AFF3: variants seen among roughly 807,000 people sequenced by gnomAD.
AFF3 encodes the protein ALF transcription elongation factor 3, also known as AF4/FMR2 family member 3.
AFF3 carries 32 observed loss-of-function variants against 129.7 expected under a neutral mutation model. The ratio of observed to expected loss-of-function variants is 0.25; its 90% confidence interval spans 0.19 to 0.33. The LOEUF (loss-of-function observed/expected upper bound fraction) is 0.33. Among genes scored for constraint, AFF3 ranks in the 10% least tolerant of loss-of-function variants. The pLI is 1.00. For missense variants in AFF3, 1,373 were observed against 1,592.0 expected (o/e 0.86, Z 2.34); for synonymous variants, 644 against 635.4 (o/e 1.01, Z -0.20).
At chr2:99,967,372 C>T (rs2104391188) in intron 7 of AFF3, among the ~76,000 whole-genome samples, 1 of 152,170 alleles carries the variant, frequency 6.6e-6, no homozygotes, top group East Asian at 1.9e-4. Context: ...CAGTTCTAGG[C>T]TTCCAATGCC....
At chr2:99,986,201 AAATAATAATAATAATAAT>A (rs35535526) in intron 7 of AFF3, among the ~76,000 whole-genome samples, 4,287 of 137,084 alleles carry the variant, frequency 0.031, 189 homozygotes, top group East Asian at 0.14. Context: ...ACTTCATCTC[AAATAATAATAATAATAAT>A]AATAATAATA....
intron 7 of AFF3, among the ~76,000 whole-genome samples, chr2:99,936,611 A>G (rs1674550173): frequency 6.6e-6 from 1 of 152,206 alleles, no homozygotes; most frequent in Non-Finnish European, 1.5e-5. Context: ...ACCCAAAACT[A>G]AAGGGACAAA....
At chr2:99,914,514 A>G (rs1695322252) in intron 7 of AFF3, among the ~76,000 whole-genome samples, 1 of 152,216 alleles carries the variant, frequency 6.6e-6, no homozygotes, top group Admixed American at 6.5e-5. Context: ...AGGTCTGTAG[A>G]TTATAGCATT....
chr2:100,090,926 G>T (rs534657794), intron 4 of AFF3, among the ~76,000 whole-genome samples: 299 of 152,274 alleles, frequency 2.0e-3, no homozygotes, highest in African/African-American at 6.9e-3. Context: ...CTGACCTCAG[G>T]TGATCTACCC....
intron 10 of AFF3, among the ~76,000 whole-genome samples, chr2:99,728,539 C>T (rs376522365): frequency 9.2e-5 from 14 of 152,270 alleles, no homozygotes; most frequent in African/African-American, 3.4e-4. Context: ...AACTCAAAAG[C>T]AAACTTTATA....
chr2:99,951,439 C>A (rs1397998374), intron 7 of AFF3, among the ~76,000 whole-genome samples: 1 of 152,058 alleles, frequency 6.6e-6, no homozygotes, highest in East Asian at 1.9e-4. Context: ...TCATGAAATC[C>A]CGTATTTTTG....
intron 8 of AFF3, among the ~76,000 whole-genome samples, chr2:99,835,749 C>T (rs1444129928): frequency 6.6e-6 from 1 of 152,138 alleles, no homozygotes; most frequent in African/African-American, 2.4e-5. Context: ...ACCACCTCCA[C>T]TGCCCTCTCG....
intron 20 of AFF3, among the ~76,000 whole-genome samples, chr2:99,561,218 C>T (rs1478021995): frequency 6.6e-6 from 1 of 152,222 alleles, no homozygotes; most frequent in East Asian, 1.9e-4. Flanking sequence ...ACTAATACTG[C>T]CAATCACATA....
intron 7 of AFF3, among the ~76,000 whole-genome samples, chr2:99,842,964 T>G: frequency 6.6e-6 from 1 of 152,232 alleles, no homozygotes; most frequent in Non-Finnish European, 1.5e-5. Flanking sequence ...AAAATACTAC[T>G]ACTTTCAAAT....
At chr2:100,139,973 G>A (rs1692794732) in intron 1 of AFF3, among the ~76,000 whole-genome samples, 1 of 152,124 alleles carries the variant, frequency 6.6e-6, no homozygotes, top group Non-Finnish European at 1.5e-5. Context: ...GGTGCAAATG[G>A]GTCATTTGAA....
At chr2:100,003,380 G>C (rs907075344) in intron 7 of AFF3, among the ~76,000 whole-genome samples, 9 of 152,152 alleles carry the variant, frequency 5.9e-5, no homozygotes, top group Admixed American at 2.6e-4. Context: ...CTGTGCCCTA[G>C]AACATTCTAG....
chr2:99,564,436 A>G (rs1056025233), intron 20 of AFF3, among the ~76,000 whole-genome samples: 1 of 152,192 alleles, frequency 6.6e-6, no homozygotes, highest in South Asian at 2.1e-4. Flanking sequence ...GTAATGTGCC[A>G]TATAAAAAGA....
chr2:100,126,725 A>C lies in AFF3; in HGVS notation c.-145+2499T>G, dbSNP rs148992112. Reference sequence around the variant, plus strand: ...CAAAATTATTACATAAGAAATGTAGAAATATAAGTGTGTGATATTTTTTAA... The same window carrying C: ...CAAAATTATTACATAAGAAATGTAGCAATATAAGTGTGTGATATTTTTTAA... On this transcript the variant is annotated intron_variant, in intron 2 of 24. Coordinates refer to ENST00000672756, the MANE Select transcript of AFF3 (RefSeq NM_001386135.1). Among the ~76,000 whole-genome samples the C allele has an allele frequency of 1.2e-4, 18 of 152,336 alleles. No homozygotes were observed. The East Asian group carries it at 3.3e-3, about 28-fold the overall frequency.
chr2:99,876,126 C>A (rs935319713), intron 7 of AFF3, among the ~76,000 whole-genome samples: 8 of 152,146 alleles, frequency 5.3e-5, no homozygotes, highest in African/African-American at 1.9e-4. Context: ...CCTGGGCCTC[C>A]TCCACTTCTC....
At chr2:99,974,602 C>T (rs1432071096) in intron 7 of AFF3, among the ~76,000 whole-genome samples, 1 of 152,192 alleles carries the variant, frequency 6.6e-6, no homozygotes, top group Non-Finnish European at 1.5e-5. Context: ...CCTGTCTCTA[C>T]CCAATCTGAC....
chr2:99,823,812 G>A (rs1173924177), intron 8 of AFF3, among the ~76,000 whole-genome samples: 2 of 152,284 alleles, frequency 1.3e-5, no homozygotes, highest in Non-Finnish European at 1.5e-5. Flanking sequence ...CAACGTGGAT[G>A]GAGCTGGAGG....
At chr2:99,646,759 A>C (rs1684730848) in intron 13 of AFF3, among the ~76,000 whole-genome samples, 1 of 152,236 alleles carries the variant, frequency 6.6e-6, no homozygotes, top group Non-Finnish European at 1.5e-5. Flanking sequence ...CAAAAGAATA[A>C]GTAATGTGAG....
At chr2:99,738,861 T>C (rs1680471039) in intron 10 of AFF3, among the ~76,000 whole-genome samples, 1 of 152,104 alleles carries the variant, frequency 6.6e-6, no homozygotes, top group Admixed American at 6.5e-5. Context: ...CACTGTACTT[T>C]AGGTGTATAG....
intron 14 of AFF3, among the ~76,000 whole-genome samples, chr2:99,596,263 A>T (rs1039095032): frequency 1.3e-5 from 2 of 152,174 alleles, no homozygotes; most frequent in African/African-American, 4.8e-5. Flanking sequence ...AACCTATGGA[A>T]CATGCCCAGT....
Sources: gnomAD v4.1 joint callset for allele counts (sites outside exome capture counted in the v4.1 genomes callset) on GRCh38, gnomAD v4.1.1 for gene constraint, MANE v1.5 for transcripts, NCBI Gene and HGNC (gene_info 2026-07-23, HGNC 2026-07-21) for gene names.